Variants in ARHGAP18 observed in about 807,000 individuals in gnomAD.
ARHGAP18 encodes rho GTPase-activating protein 18.
Under a neutral mutation model 86.2 loss-of-function variants are expected in ARHGAP18, and 67 were observed. The ratio of observed to expected loss-of-function variants is 0.78; its 90% CI spans 0.64 to 0.95. ARHGAP18 has a LOEUF of 0.95. ARHGAP18 is among the 40% of genes least tolerant of loss of function. ARHGAP18 has a pLI of 0.00. For missense variants in ARHGAP18, 691 were observed against 780.4 expected, an observed-to-expected ratio of 0.89 and a Z score of 1.37; for synonymous variants, 283 against 280.4, an observed-to-expected ratio of 1.01 and a Z score of -0.09.
At chr6:129,599,065 G>A in intron 12 of ARHGAP18, 151 bp downstream of exon 12, 2 of 614,144 alleles carry the variant, frequency 3.3e-6, no homozygotes, top group East Asian at 3.4e-5. Context: ...AGCAGTAGTA[G>A]GAAGACAGTT....
chr6:129,679,970 T>A (rs750654450), intron 1 of ARHGAP18, among the ~76,000 whole-genome samples: 2 of 152,206 alleles, frequency 1.3e-5, no homozygotes, highest in Non-Finnish European at 2.9e-5. Context: ...TTCCTTGCCG[T>A]GGCCACATGA....
At chr6:129,680,613 A>AC (rs1343129021) in intron 1 of ARHGAP18, among the ~76,000 whole-genome samples, 3 of 152,142 alleles carry the variant, frequency 2.0e-5, no homozygotes, top group Admixed American at 2.0e-4. Flanking sequence ...AGCCCCCTAC[A>AC]CAGGGCCAGT....
intron 12 of ARHGAP18, chr6:129,596,880 T>G (rs1272238723): frequency 6.6e-6 from 1 of 152,190 alleles, no homozygotes; most frequent in Non-Finnish European, 1.5e-5. Context: ...GGCCTCTTAC[T>G]GCCAGAAGAT....
At chr6:129,626,063 T>TACACACACAC (rs1220136567) in intron 5 of ARHGAP18, among the ~76,000 whole-genome samples, 6 of 28,406 alleles carry the variant, frequency 2.1e-4, no homozygotes, top group East Asian at 8.1e-4. Context: ...TATATACACA[T>TACACACACAC]ATACACACAC....
chr6:129,582,333 T>C (rs1215825551), intron 13 of ARHGAP18, among the ~76,000 whole-genome samples: 1 of 152,180 alleles, frequency 6.6e-6, no homozygotes, highest in Non-Finnish European at 1.5e-5. Context: ...GGGGTACAGC[T>C]TCATAGTCTC....
intron 1 of ARHGAP18, among the ~76,000 whole-genome samples, chr6:129,703,545 C>T (rs542246036): frequency 1.3e-5 from 2 of 152,246 alleles, no homozygotes; most frequent in South Asian, 2.1e-4. Flanking sequence ...TCCTTATATT[C>T]GAAAGGCATA....
chr6:129,641,920 T>A lies in ARHGAP18; in HGVS notation c.212A>T (p.Asp71Val), dbSNP rs1773473387. ...FDRSISQDSL[D>V]ELSMEDYWIE... ...CCAATAGTCTTCCATAGATAGTTCATCCAAAGAATCCTGGGAAATTGATCG... is the reference window on the plus strand; with the variant it reads ...CCAATAGTCTTCCATAGATAGTTCAACCAAAGAATCCTGGGAAATTGATCG... The change falls in exon 2 of 15, where the codon GAT becomes GTT. Residue 71 changes from aspartate to valine, a missense_variant. Physicochemically the swap from Asp to Val is radical, Grantham distance 152. Coordinates refer to ENST00000368149, the MANE Select transcript of ARHGAP18 (RefSeq NM_033515.3). 6.2e-7 allele frequency: 1 copy of A among 1,613,874 alleles called. No homozygotes were observed. Among genetic ancestry groups the A allele is most frequent in the Non-Finnish European group, 8.5e-7 (1 of 1,179,918 alleles).
chr6:129,588,554 G>C (rs1788446698), intron 12 of ARHGAP18, among the ~76,000 whole-genome samples: 1 of 152,240 alleles, frequency 6.6e-6, no homozygotes, highest in African/African-American at 2.4e-5. Context: ...CCCCCTCCCG[G>C]CTGCTTTCAC....
intron 12 of ARHGAP18, among the ~76,000 whole-genome samples, chr6:129,588,243 G>A (rs898113507): frequency 2.6e-5 from 4 of 151,448 alleles, no homozygotes; most frequent in African/African-American, 9.7e-5. Flanking sequence ...TCATCCTCCC[G>A]AGTAGCTGAG....
intron 3 of ARHGAP18, among the ~76,000 whole-genome samples, chr6:129,637,158 G>C (rs1343455109): frequency 6.6e-5 from 10 of 151,840 alleles, no homozygotes; most frequent in South Asian, 2.1e-4. Flanking sequence ...TCGACCTCCA[G>C]GGCTCAAGCA....
intron 13 of ARHGAP18, among the ~76,000 whole-genome samples, chr6:129,583,256 A>C (rs1382277533): frequency 6.6e-6 from 1 of 152,238 alleles, no homozygotes; most frequent in Non-Finnish European, 1.5e-5. Context: ...GGAGGCATGA[A>C]AACATGACTT....
chr6:129,624,624 C>A (rs1257515146), intron 5 of ARHGAP18, among the ~76,000 whole-genome samples: 5 of 151,390 alleles, frequency 3.3e-5, no homozygotes, highest in Non-Finnish European at 5.9e-5. Flanking sequence ...TTACTTTTCC[C>A]ATTAGGTATA....
At position 129,584,137 on chromosome 6, in the gene ARHGAP18, A is replaced by G. The variant is rs201768607; in HGVS notation, c.1714-25T>C. 1.1e-3 allele frequency: 1,756 copies of G among 1,612,912 alleles called. 5 individuals are homozygous for G. The highest frequency in any genetic ancestry group is 1.3e-3 in the Non-Finnish European group (1,587 of 1,179,288). On this transcript the variant is annotated intron_variant, in intron 12 of 14. Transcript: ENST00000368149. ...CCTGCAAAGCAATAATGACACTGGA[A>G]CAAAGCTGGCAGCAGCTGGAACGTG...
chr6:129,599,414 AC>A, intron 11 of ARHGAP18, 58 bp from the exon 12 acceptor site: 1 of 1,328,536 alleles, frequency 7.5e-7, no homozygotes, highest in Non-Finnish European at 9.8e-7. Context: ...ATTTTAAACT[AC>A]AAAAAAAAAT....
chr6:129,646,119 C>T (rs180984384), intron 1 of ARHGAP18, among the ~76,000 whole-genome samples: 1 of 152,264 alleles, frequency 6.6e-6, no homozygotes, highest in East Asian at 1.9e-4. Context: ...ATGATTTATT[C>T]TGCTATCAAT....
intron 4 of ARHGAP18, among the ~76,000 whole-genome samples, chr6:129,631,856 G>A (rs563374497): frequency 1.3e-5 from 2 of 151,922 alleles, no homozygotes; most frequent in African/African-American, 2.4e-5. Flanking sequence ...AATTATTGGG[G>A]CATTATTAAT....
intron 4 of ARHGAP18, among the ~76,000 whole-genome samples, chr6:129,632,017 G>A (rs148722337): frequency 5.3e-5 from 8 of 152,204 alleles, no homozygotes; most frequent in South Asian, 2.1e-4. Flanking sequence ...TATCATTGGC[G>A]GAACATGTTT....
intron 1 of ARHGAP18, among the ~76,000 whole-genome samples, chr6:129,691,587 A>G (rs1412543015): frequency 6.6e-6 from 1 of 152,190 alleles, no homozygotes; most frequent in Non-Finnish European, 1.5e-5. Context: ...TTTGTAAGTG[A>G]CATTCTGTAT....
chr6:129,579,863 G>A (rs1788251246), intron 14 of ARHGAP18, among the ~76,000 whole-genome samples: 1 of 152,138 alleles, frequency 6.6e-6, no homozygotes, highest in Non-Finnish European at 1.5e-5. Flanking sequence ...TGCTGAAATT[G>A]AACATAGATG....
Sources: gnomAD v4.1 joint callset for allele counts (sites outside exome capture counted in the v4.1 genomes callset) on GRCh38, gnomAD v4.1.1 for gene constraint, MANE v1.5 for transcripts, NCBI Gene and HGNC (gene_info 2026-07-23, HGNC 2026-07-21) for gene names.